The following STAC variants were observed in gnomAD, a reference collection of about 807,000 sequenced individuals.
STAC encodes the protein SH3 and cysteine rich domain.
A neutral mutation model predicts 48.8 loss-of-function variants in STAC; 43 were observed. The ratio of observed to expected loss-of-function variants is 0.88; its 90% CI spans 0.69 to 1.14. The LOEUF is 1.14. STAC is among the 50% of genes most tolerant of loss of function. The pLI, the probability that STAC is intolerant of heterozygous loss-of-function variation, is 0.00. For synonymous variants in STAC, 193 were observed against 179.5 expected, an observed-to-expected ratio of 1.07 and a Z score of -0.60; for missense variants, 497 against 504.0, an observed-to-expected ratio of 0.99 and a Z score of 0.13.
chr3:36,539,272 G>A (rs1432341564), intron 10 of STAC, among the ~76,000 whole-genome samples: 2 of 151,864 alleles, frequency 1.3e-5, no homozygotes, highest in Non-Finnish European at 2.9e-5. Flanking sequence ...TGTGTCCTGG[G>A]GTTTTGTTGT....
intron 1 of STAC, among the ~76,000 whole-genome samples, chr3:36,398,467 GGAAGGAA>G (rs1699920740): frequency 1.0e-5 from 1 of 96,434 alleles, no homozygotes; most frequent in Admixed American, 1.1e-4. Context: ...AAGGAAGGAA[GGAAGGAA>G]GGAGGGAAGG....
rs1699000744 is a variant in STAC at position 36,528,882 on chromosome 3, C to A, written c.1007C>A (p.Ala336Asp). The change falls in exon 10 of 11, where the codon GCC becomes GAC. Residue 336 changes from alanine to aspartate, a missense_variant. Physicochemically the swap from Ala to Asp is moderately radical, Grantham distance 126. Transcript: ENST00000273183. ...KIQDRIGFFP[A>D]NFVQRLQQNE... ...CAAGACAGAATTGGCTTCTTTCCAG[C>A]CAACTTTGTTCAGAGACTACAACAA... is the stretch of plus-strand genomic sequence containing the variant. The A allele has an allele frequency of 4.3e-6, 7 of 1,613,464 alleles. No homozygotes were observed. The highest frequency in any genetic ancestry group is 5.1e-6 in the Non-Finnish European group (6 of 1,179,784).
At chr3:36,464,342 A>C (rs1372359756) in intron 2 of STAC, among the ~76,000 whole-genome samples, 1 of 151,794 alleles carries the variant, frequency 6.6e-6, no homozygotes, top group African/African-American at 2.4e-5. Context: ...TGTTCATATT[A>C]TTTGCCCACT....
At chr3:36,513,977 C>T (rs989805559) in intron 8 of STAC, among the ~76,000 whole-genome samples, 1 of 151,964 alleles carries the variant, frequency 6.6e-6, no homozygotes. Context: ...CTGTGTGACC[C>T]CCATGAATCC....
intron 1 of STAC, among the ~76,000 whole-genome samples, chr3:36,398,895 G>A (rs1353369455): frequency 6.6e-6 from 1 of 152,080 alleles, no homozygotes; most frequent in Non-Finnish European, 1.5e-5. Context: ...CTAAAAAGCA[G>A]AGCCTGAGGT....
intron 8 of STAC, among the ~76,000 whole-genome samples, chr3:36,510,813 G>A (rs181930050): frequency 6.6e-6 from 1 of 151,978 alleles, no homozygotes; most frequent in Non-Finnish European, 1.5e-5. Flanking sequence ...GTTGGGGGTT[G>A]GGGGGCTAAG....
chr3:36,512,968 C>T (rs1223637861), intron 8 of STAC, among the ~76,000 whole-genome samples: 2 of 152,012 alleles, frequency 1.3e-5, no homozygotes, highest in Non-Finnish European at 2.9e-5. Context: ...TTCCTTTTAA[C>T]AAAATAGCAT....
intron 1 of STAC, among the ~76,000 whole-genome samples, chr3:36,407,187 G>A (rs1700102781): frequency 1.3e-5 from 2 of 152,190 alleles, no homozygotes; most frequent in South Asian, 4.1e-4. Context: ...GGCTGAAAAA[G>A]GCTGAATTAT....
chr3:36,390,947 A>G (rs1447429554), intron 1 of STAC, among the ~76,000 whole-genome samples: 1 of 152,166 alleles, frequency 6.6e-6, no homozygotes, highest in Non-Finnish European at 1.5e-5. Context: ...ATTTTACCAG[A>G]AAATTATCCA....
chr3:36,420,602 G>A (rs1295770894), intron 1 of STAC, among the ~76,000 whole-genome samples: 1 of 152,198 alleles, frequency 6.6e-6, no homozygotes, highest in African/African-American at 2.4e-5. Context: ...CACTCCTTAT[G>A]AGAATCTAAT....
At chr3:36,417,385 C>T (rs1700343243) in intron 1 of STAC, among the ~76,000 whole-genome samples, 1 of 152,138 alleles carries the variant, frequency 6.6e-6, no homozygotes, top group Non-Finnish European at 1.5e-5. Flanking sequence ...TCAGGGGAAT[C>T]AGCATAGTTT....
At chr3:36,406,186 C>T (rs1241648564) in intron 1 of STAC, among the ~76,000 whole-genome samples, 2 of 152,228 alleles carry the variant, frequency 1.3e-5, no homozygotes, top group Admixed American at 6.5e-5. Context: ...AAATGGCCTG[C>T]TTAGGTCTGC....
intron 2 of STAC, among the ~76,000 whole-genome samples, chr3:36,462,749 G>C (rs1030302913): frequency 6.6e-6 from 1 of 152,288 alleles, no homozygotes; most frequent in South Asian, 2.1e-4. Flanking sequence ...GTGGATCATG[G>C]TGTCTAGTAA....
chr3:36,434,942 G>A (rs571621307), intron 1 of STAC, among the ~76,000 whole-genome samples: 1 of 152,164 alleles, frequency 6.6e-6, no homozygotes, highest in Non-Finnish European at 1.5e-5. Flanking sequence ...ACTAAGCAGA[G>A]AAATTTTACT....
rs1196368225 is a variant in STAC, at chr3:36,528,986, G to A, written c.1110+1G>A. ...GCAGATAACACTGAAAGAGAATCAG[G>A]TGAGTAAACCACACAAACACATTCC... On this transcript the variant is annotated splice_donor_variant, in intron 10 of 10. Transcript: ENST00000273183. LOFTEE classifies it high-confidence loss of function. The A allele has an allele frequency of 4.4e-6, 7 of 1,600,508 alleles. No individual in the cohort carries two copies. The highest frequency in any genetic ancestry group is 4.3e-6 in the Non-Finnish European group (5 of 1,172,496).
intron 4 of STAC, 84 bp from the exon 5 acceptor site, chr3:36,486,050 G>A (rs968652922): frequency 4.9e-5 from 49 of 996,354 alleles, no homozygotes; most frequent in East Asian, 2.9e-4. Flanking sequence ...CTTCTCAGGC[G>A]CTGTTCACCC....
At chr3:36,482,588 C>G (rs6774820) in intron 2 of STAC, among the ~76,000 whole-genome samples, 18 of 152,280 alleles carry the variant, frequency 1.2e-4, no homozygotes, top group African/African-American at 3.1e-4. Flanking sequence ...AGAATTTATC[C>G]AACGGCTCAG....
At chr3:36,476,774 CTT>C (rs1697505493) in intron 2 of STAC, among the ~76,000 whole-genome samples, 5 of 152,200 alleles carry the variant, frequency 3.3e-5, no homozygotes, top group South Asian at 4.1e-4. Flanking sequence ...TTAAATTCCT[CTT>C]GTCTGCCTTG....
At chr3:36,482,878 A>G (rs1288725476) in intron 2 of STAC, 114 bp from the exon 3 acceptor site, 1 of 676,788 alleles carries the variant, frequency 1.5e-6, no homozygotes, top group Non-Finnish European at 2.6e-6. Context: ...TGAAAGCTTC[A>G]TGAAAAAGTT....
Sources: gnomAD v4.1 joint callset for allele counts (sites outside exome capture counted in the v4.1 genomes callset) on GRCh38, gnomAD v4.1.1 for gene constraint, MANE v1.5 for transcripts, NCBI Gene and HGNC (gene_info 2026-07-23, HGNC 2026-07-21) for gene names.